The following TDRD9 variants were observed in gnomAD, a reference collection of about 807,000 sequenced individuals.
TDRD9 encodes the protein ATP-dependent RNA helicase TDRD9.
In TDRD9, 124 loss-of-function variants were observed where a neutral mutation model predicts 172.6. That is an observed-to-expected ratio of 0.72 (90% CI 0.62 to 0.83). The LOEUF (loss-of-function observed/expected upper bound fraction) is 0.83. Among genes scored for constraint, TDRD9 ranks in the 40% least tolerant of loss-of-function variants. TDRD9 has a pLI of 0.00. For missense variants in TDRD9, 1,479 were observed against 1,714.1 expected, an observed-to-expected ratio of 0.86 and a Z score of 2.42; for synonymous variants, 619 against 617.1, an observed-to-expected ratio of 1.00 and a Z score of -0.05.
intron 5 of TDRD9, among the ~76,000 whole-genome samples, chr14:103,970,136 G>T (rs1057295398): frequency 1.3e-5 from 2 of 152,312 alleles, no homozygotes; most frequent in African/African-American, 4.8e-5. Flanking sequence ...TCAGATGACA[G>T]TGTACCTGCA....
chr14:104,001,896 T>A (rs537096412), intron 13 of TDRD9, among the ~76,000 whole-genome samples: 122 of 151,122 alleles, frequency 8.1e-4, no homozygotes, highest in Non-Finnish European at 1.4e-3. Context: ...CATGAGCCAC[T>A]GTGCCCGGCC....
intron 1 of TDRD9, among the ~76,000 whole-genome samples, chr14:103,939,221 A>T (rs1394985059): frequency 1.3e-5 from 2 of 152,178 alleles, no homozygotes; most frequent in Admixed American, 1.3e-4. Context: ...GCATCTCTTC[A>T]TGGCATATAT....
chr14:103,934,288 T>C, intron 1 of TDRD9, among the ~76,000 whole-genome samples: 1 of 152,184 alleles, frequency 6.6e-6, no homozygotes, highest in Non-Finnish European at 1.5e-5. Flanking sequence ...GCTGGGATTA[T>C]AGGAATGAGC....
intron 8 of TDRD9, among the ~76,000 whole-genome samples, chr14:103,988,870 C>G (rs1275825683): frequency 6.6e-6 from 1 of 151,826 alleles, no homozygotes; most frequent in Non-Finnish European, 1.5e-5. Flanking sequence ...ATTTTTGTAT[C>G]CGGTTACTTT....
chr14:103,995,667 T>C, intron 11 of TDRD9, 83 bp from the exon 12 acceptor site: 2 of 1,267,190 alleles, frequency 1.6e-6, no homozygotes, highest in Non-Finnish European at 2.2e-6. Flanking sequence ...AGCTTTAAAA[T>C]AATTTTTGCA....
At chr14:103,958,106 A>G (rs546378808) in intron 2 of TDRD9, among the ~76,000 whole-genome samples, 1 of 152,326 alleles carries the variant, frequency 6.6e-6, no homozygotes, top group East Asian at 1.9e-4. Context: ...AACTCTGATC[A>G]TCTCTGATCA....
At chr14:104,022,397 A>G (rs1595997536) in intron 24 of TDRD9, 67 bp downstream of exon 24, 5 of 1,497,196 alleles carry the variant, frequency 3.3e-6, no homozygotes, top group South Asian at 2.5e-5. Context: ...CTATTTTTAC[A>G]TGACCGTTGA....
intron 1 of TDRD9, among the ~76,000 whole-genome samples, chr14:103,936,227 C>A (rs1328880740): frequency 6.6e-6 from 1 of 152,076 alleles, no homozygotes; most frequent in African/African-American, 2.4e-5. Context: ...GTAGCTGGGA[C>A]CACAGGTGCA....
intron 1 of TDRD9, among the ~76,000 whole-genome samples, chr14:103,946,271 G>C (rs2031554434): frequency 6.6e-6 from 1 of 152,046 alleles, no homozygotes; most frequent in South Asian, 2.1e-4. Context: ...TGCCCAACCT[G>C]TTTTTAATTC....
rs1053999387 is a variant in TDRD9, at chr14:103,965,519, C to T, written c.607C>T (p.Arg203Cys). Residue 203 changes from arginine to cysteine, a missense_variant, in exon 4 of 36, where the codon CGT (arginine) becomes TGT (cysteine). Physicochemically the swap from Arg to Cys is radical, Grantham distance 180 (BLOSUM62 -3). Around this residue, in one of 3 missense-constraint regions of TDRD9, gnomAD observed 1,413 missense variants for 1,649.1 expected, o/e 0.86. Transcript: ENST00000409874. Reference protein sequence around the residue: ...SSIARWISKERAWTLGGVVGY... With the variant: ...SSIARWISKECAWTLGGVVGY... ...CATCGCCAGGTGGATCAGTAAAGAG[C>T]GTGCCTGGACCCTGGGAGGTGTGGT... is the stretch of plus-strand genomic sequence containing the variant. The T allele has an allele frequency of 4.3e-6, 6 of 1,408,930 alleles. No individual in the cohort carries two copies. Among genetic ancestry groups the T allele is most frequent in the Non-Finnish European group, 5.7e-6 (6 of 1,057,888 alleles). The allele number at this position is 1,408,930 out of a possible 1,614,324, so 87.3% of individuals were successfully genotyped here.
chr14:103,938,430 ATATATATATATT>A lies in TDRD9; in HGVS notation c.215+9708_215+9719del, dbSNP rs1198994572. On this transcript the variant is annotated intron_variant, in intron 1 of 35. Transcript: ENST00000409874. ...TGTGTGTGTGTATATATATATATAT[ATATATATATATT>A]TTTTTTTTTTTTTTGAGATGGTGTC... Among the ~76,000 whole-genome samples, 93 of 39,904 alleles carry A rather than the reference ATATATATATATT, an allele frequency of 2.3e-3. 8 individuals are homozygous for A. In the East Asian group the frequency reaches 0.029, roughly 13 times the overall value. 26.2% of individuals were successfully genotyped at this position (39,904 alleles called of 152,430 possible).
At chr14:103,995,100 AT>A (rs1263311129) in intron 11 of TDRD9, among the ~76,000 whole-genome samples, 1 of 152,090 alleles carries the variant, frequency 6.6e-6, no homozygotes, top group Admixed American at 6.5e-5. Flanking sequence ...AAAAGCTAAG[AT>A]TTTTTGTTTT....
chr14:104,033,696 G>A (rs1046833171), intron 30 of TDRD9, among the ~76,000 whole-genome samples: 9 of 152,114 alleles, frequency 5.9e-5, no homozygotes, highest in South Asian at 2.1e-4. Flanking sequence ...CAGCGTGTGC[G>A]TGGTTCCTAA....
chr14:103,944,954 T>C (rs1368635610), intron 1 of TDRD9, among the ~76,000 whole-genome samples: 2 of 152,196 alleles, frequency 1.3e-5, no homozygotes, highest in Non-Finnish European at 2.9e-5. Context: ...CAGATATCTA[T>C]TGACTGTCTG....
chr14:104,026,551 A>C lies in TDRD9; in HGVS notation c.3022-128A>C, dbSNP rs2035124386. On this transcript the variant is annotated intron_variant, in intron 27 of 35. Transcript: ENST00000409874. ...AGGAAATTCTCACTACCCCAACATT[A>C]GTTTTATTGGGACTTTTATGAGAAT... The C allele has an allele frequency of 1.3e-5, 14 of 1,075,056 alleles. No homozygotes were observed. In the Admixed American group the frequency reaches 3.0e-4, roughly 23 times the overall value. 66.6% of individuals were successfully genotyped at this position (1,075,056 alleles called of 1,614,324 possible).
intron 1 of TDRD9, chr14:103,941,151 A>C: frequency 7.3e-7 from 1 of 1,376,662 alleles, no homozygotes; most frequent in South Asian, 1.3e-5. Flanking sequence ...ATTTTTTGTT[A>C]TATCTCTTTA....
chr14:103,967,643 C>A (rs532563399), intron 5 of TDRD9, among the ~76,000 whole-genome samples: 1 of 152,274 alleles, frequency 6.6e-6, no homozygotes, highest in Admixed American at 6.5e-5. Flanking sequence ...CCAGGCAAAG[C>A]TGAGTCAGTG....
chr14:103,975,973 G>T (rs2033219993), intron 7 of TDRD9, among the ~76,000 whole-genome samples: 2 of 152,086 alleles, frequency 1.3e-5, no homozygotes, highest in South Asian at 4.2e-4. Flanking sequence ...TCTTTAAAAA[G>T]GACACTAGAA....
intron 35 of TDRD9, 149 bp from the exon 36 acceptor site, chr14:104,051,832 T>C: frequency 1.9e-6 from 1 of 540,446 alleles, no homozygotes; most frequent in East Asian, 3.2e-5. Flanking sequence ...AAACCTATAG[T>C]ATGAAGTGTG....
Sources: gnomAD v4.1 joint callset for allele counts (sites outside exome capture counted in the v4.1 genomes callset) on GRCh38, gnomAD v4.1.1 for gene constraint, gnomAD v4.1.1 regional missense constraint, MANE v1.5 for transcripts, NCBI Gene and HGNC (gene_info 2026-07-23, HGNC 2026-07-21) for gene names.